The following LAMA3 variants were observed in gnomAD, a reference collection of about 807,000 sequenced individuals.
The protein encoded by LAMA3 is laminin subunit alpha-3.
Under a neutral mutation model 402.0 loss-of-function variants are expected in LAMA3, and 281 were observed. The observed-to-expected ratio is 0.70, with a 90% CI of 0.63 to 0.77. LAMA3 has a LOEUF of 0.77. LAMA3 is among the 30% of genes least tolerant of loss of function. The pLI is 0.00. For synonymous variants in LAMA3, 1,431 were observed against 1,558.4 expected (o/e 0.92, Z 1.93); for missense variants, 3,840 against 4,215.5 (o/e 0.91, Z 2.47).
chr18:23,771,485 A>T (rs1436925017), intron 8 of LAMA3, among the ~76,000 whole-genome samples: 2 of 152,238 alleles, frequency 1.3e-5, no homozygotes, highest in African/African-American at 4.8e-5. Context: ...AAGGAATTGG[A>T]TTTCACAGAT....
intron 2 of LAMA3, among the ~76,000 whole-genome samples, chr18:23,736,704 C>G (rs983492929): frequency 6.6e-6 from 1 of 152,074 alleles, no homozygotes; most frequent in African/African-American, 2.4e-5. Context: ...TAAATCCTCT[C>G]TGTGTAGTAT....
intron 49 of LAMA3, among the ~76,000 whole-genome samples, chr18:23,903,631 T>C (rs542624371): frequency 6.6e-6 from 1 of 152,354 alleles, no homozygotes; most frequent in East Asian, 1.9e-4. Context: ...TATTTCTAAA[T>C]CATAAAAAAG....
At chr18:23,793,230 T>C (rs550464541) in intron 12 of LAMA3, among the ~76,000 whole-genome samples, 6 of 151,796 alleles carry the variant, frequency 4.0e-5, no homozygotes, top group Admixed American at 3.9e-4. Context: ...GTGTGAGAGC[T>C]GGTAGAGGAG....
intron 2 of LAMA3, among the ~76,000 whole-genome samples, chr18:23,717,380 C>A (rs1398621566): frequency 6.6e-6 from 1 of 152,084 alleles, no homozygotes; most frequent in Non-Finnish European, 1.5e-5. Flanking sequence ...AAAATCACTT[C>A]ACCTGCTAAG....
At position 23,758,492 on chromosome 18, in the gene LAMA3, G is replaced by A; in HGVS notation, c.1044G>A (p.Glu348=). Residue 348 remains glutamate, a synonymous_variant, in exon 7 of 75, where the codon GAG becomes GAA. Transcript: ENST00000313654. ...NQRRWRPAAW[E]QSHECEACNC... is the part of the protein sequence containing the mutation. ...GGCGCTGGCGGCCCGCCGCTTGGGA[G>A]CAGAGCCACGAGTGTGAAGGTGGGT... The A allele has an allele frequency of 1.2e-6, 2 of 1,613,960 alleles. No homozygotes were observed. Among genetic ancestry groups the A allele is most frequent in the Non-Finnish European group, 1.7e-6 (2 of 1,179,950 alleles).
intron 1 of LAMA3, among the ~76,000 whole-genome samples, chr18:23,696,507 CCT>C (rs1046016610): frequency 4.6e-5 from 7 of 152,190 alleles, no homozygotes; most frequent in Non-Finnish European, 7.4e-5. Context: ...GTGAAATCCC[CCT>C]GTTTTTTTTG....
intron 70 of LAMA3, among the ~76,000 whole-genome samples, chr18:23,947,902 C>G (rs984129292): frequency 1.3e-5 from 2 of 151,732 alleles, no homozygotes; most frequent in African/African-American, 2.4e-5. Context: ...AGCTCCGCCT[C>G]CTGGGTTCAC....
At chr18:23,954,407 A>T in intron 74 of LAMA3, 96 bp from the exon 75 acceptor site, 1 of 1,094,402 alleles carries the variant, frequency 9.1e-7, no homozygotes, top group Non-Finnish European at 1.3e-6. Flanking sequence ...TGTCTAAAAA[A>T]AAAAAAAAAA....
In LAMA3 at chr18:23,912,342, G is replaced by A. The variant is rs183125003; in HGVS notation, c.7159-369G>A. 5.4e-4 allele frequency among the ~76,000 whole-genome samples: 82 copies of A among 151,872 alleles called. 2 individuals carry two copies. Among genetic ancestry groups the A allele is most frequent in the Non-Finnish European group, 7.4e-5 (5 of 67,968 alleles). ...TATTACATGTCTGATTGTATGCCAG[G>A]CACCATGCCAAGTGCCTCCATAGAT... On this transcript the variant is annotated intron_variant, in intron 55 of 74. Transcript: ENST00000313654.
intron 38 of LAMA3, among the ~76,000 whole-genome samples, chr18:23,874,053 C>T (rs1189479634): frequency 6.6e-6 from 1 of 152,100 alleles, no homozygotes; most frequent in Non-Finnish European, 1.5e-5. Context: ...TGATATGTAA[C>T]TCTTGCAGAG....
In LAMA3 at chr18:23,903,242, G is replaced by A. The variant is rs729814; in HGVS notation, c.6318+117G>A. 170,181 of 710,622 alleles carry A rather than the reference G, an allele frequency of 0.24. 22,243 individuals are homozygous for A. The highest frequency in any genetic ancestry group is 0.27 in the Non-Finnish European group (105,228 of 391,768). 44.0% of individuals were successfully genotyped at this position (710,622 alleles called of 1,614,324 possible). On this transcript the variant is annotated intron_variant, in intron 49 of 74. Coordinates refer to ENST00000313654, the MANE Select transcript of LAMA3 (RefSeq NM_198129.4). ...TATTCAAAGTATAGTCTCTTAGATG[G>A]AAGAGAATATAATGAAATGTTAACA...
intron 12 of LAMA3, among the ~76,000 whole-genome samples, chr18:23,791,873 T>C (rs1598802203): frequency 6.6e-6 from 1 of 151,872 alleles, no homozygotes; most frequent in African/African-American, 2.4e-5. Context: ...AGAAAACTTC[T>C]TGAATTTAGA....
At chr18:23,717,719 AATTTTTTTTT>A (rs1464123512) in intron 2 of LAMA3, among the ~76,000 whole-genome samples, 4 of 116,806 alleles carry the variant, frequency 3.4e-5, no homozygotes, top group East Asian at 7.4e-4. Context: ...TGCCTGGCTA[AATTTTTTTTT>A]TTTTTTTTTT....
chr18:23,856,133 A>G (rs1394941452), intron 32 of LAMA3, among the ~76,000 whole-genome samples: 1 of 152,204 alleles, frequency 6.6e-6, no homozygotes, highest in African/African-American at 2.4e-5. Context: ...CAATTTGCCC[A>G]AGGTCCAGTA....
At chr18:23,721,366 G>A (rs531360524) in intron 2 of LAMA3, among the ~76,000 whole-genome samples, 1 of 152,170 alleles carries the variant, frequency 6.6e-6, no homozygotes, top group African/African-American at 2.4e-5. Context: ...TCCATAATTG[G>A]GTCTGCCATT....
intron 7 of LAMA3, among the ~76,000 whole-genome samples, chr18:23,759,279 G>C (rs1036980729): frequency 6.8e-6 from 1 of 146,516 alleles, no homozygotes; most frequent in Non-Finnish European, 1.5e-5. Context: ...GGTGCAGTGA[G>C]CTCTGATCCT....
At chr18:23,768,598 A>T (rs1332769423) in intron 8 of LAMA3, among the ~76,000 whole-genome samples, 1 of 152,252 alleles carries the variant, frequency 6.6e-6, no homozygotes, top group Non-Finnish European at 1.5e-5. Flanking sequence ...TTTCTCAAAG[A>T]AAACAAAACT....
chr18:23,857,956 T>A lies in LAMA3; in HGVS notation c.4249T>A (p.Cys1417Ser). 6.2e-7 allele frequency: 1 copy of A among 1,614,184 alleles called. No individual in the cohort carries two copies. Among genetic ancestry groups the A allele is most frequent in the Non-Finnish European group, 8.5e-7 (1 of 1,180,018 alleles). The change falls in exon 33 of 75, where the codon TGT becomes AGT. Residue 1417 changes from cysteine (C) to serine (S), a missense_variant. Coordinates refer to ENST00000313654, the MANE Select transcript of LAMA3 (RefSeq NM_198129.4). ...CNRDGTEPGV[C>S]DPGTGACLCK... ...CAGAGATGGGACTGAGCCAGGAGTG[T>A]GTGACCCAGGGACCGGGGCTTGCCT...
chr18:23,746,675 A>G (rs1381304366), intron 2 of LAMA3, among the ~76,000 whole-genome samples: 2 of 152,144 alleles, frequency 1.3e-5, no homozygotes, highest in Non-Finnish European at 2.9e-5. Context: ...AATTAATAGT[A>G]TATCTAAAAG....
Sources: allele counts gnomAD v4.1 joint callset (sites outside exome capture counted in the v4.1 genomes callset), GRCh38; gene constraint gnomAD v4.1.1; transcripts MANE v1.5; gene names NCBI Gene and HGNC (gene_info 2026-07-23, HGNC 2026-07-21).